The following ADCY9 variants were observed in gnomAD, a reference collection of about 807,000 sequenced individuals.
The protein encoded by ADCY9 is adenylate cyclase 9.
ADCY9 carries 50 observed loss-of-function variants against 101.5 expected under a neutral mutation model. The observed-to-expected ratio is 0.49, with a 90% CI of 0.39 to 0.62. ADCY9 has a LOEUF of 0.62. Ranked by LOEUF, ADCY9 falls within the 20% of genes least tolerant of loss-of-function variation. The pLI, the probability that ADCY9 is intolerant of heterozygous loss-of-function variation, is 0.00. For missense variants in ADCY9, 1,662 were observed against 1,800.4 expected (o/e 0.92, Z 1.39); for synonymous variants, 905 against 769.3 (o/e 1.18, Z -2.92).
At chr16:4,014,663 G>A (rs182891727) in intron 2 of ADCY9, among the ~76,000 whole-genome samples, 43 of 152,098 alleles carry the variant, frequency 2.8e-4, no homozygotes, top group African/African-American at 1.0e-3. Context: ...GGACAGGCTG[G>A]TCTCGAACTC....
In ADCY9 at chr16:4,012,980, C is replaced by T. The variant is rs189432168; in HGVS notation, c.1694-5422G>A. Among the ~76,000 whole-genome samples the T allele has an allele frequency of 1.7e-3, 254 of 152,050 alleles. 2 individuals carry two copies. Among genetic ancestry groups the T allele is most frequent in the African/African-American group, 5.3e-3 (221 of 41,468 alleles). ...ACAGAAAGAGAACAACAGCGAGGCA[C>T]GGGGATCACAGCTGTGACCCCGGCA... On this transcript the variant is annotated intron_variant, in intron 2 of 10. Transcript: ENST00000294016.
In ADCY9 at chr16:3,966,823, C is replaced by T. The variant is rs776703788; in HGVS notation, c.3014G>A (p.Arg1005His). The stretch of plus-strand genomic sequence containing the variant: ...TTCCACGTCTCCGTGGTAGTGGAGG[C>T]GGTAGCTGACTTCAAATTCGCGATT... ...FLNREFEVSYRLHYHGDVEAD... is the reference protein window; with the variant it reads ...FLNREFEVSYHLHYHGDVEAD... Residue 1005 changes from arginine to histidine, a missense_variant, in exon 11 of 11, where the codon CGC (arginine) becomes CAC (histidine). This residue lies in a region of ADCY9 where 624 missense variants were observed against 639.1 expected (regional missense o/e 0.98). Transcript: ENST00000294016. 1.9e-6 allele frequency: 3 copies of T among 1,614,144 alleles called. No individual in the cohort carries two copies. Among genetic ancestry groups the T allele is most frequent in the East Asian group, 4.5e-5 (2 of 44,884 alleles).
chr16:4,044,995 C>T (rs2141142402), intron 2 of ADCY9, among the ~76,000 whole-genome samples: 1 of 152,264 alleles, frequency 6.6e-6, no homozygotes, highest in South Asian at 2.1e-4. Flanking sequence ...ATAAGACAAG[C>T]ATGCAAGAAA....
intron 2 of ADCY9, among the ~76,000 whole-genome samples, chr16:4,019,274 G>A (rs1252532889): frequency 6.6e-6 from 1 of 152,090 alleles, no homozygotes; most frequent in Non-Finnish European, 1.5e-5. Context: ...GAACCACCAT[G>A]CCCAGACTCA....
chr16:4,086,691 ACT>A (rs537364860), intron 2 of ADCY9, among the ~76,000 whole-genome samples: 154 of 152,054 alleles, frequency 1.0e-3, no homozygotes, highest in African/African-American at 3.6e-3. Context: ...ACAGGGTCTT[ACT>A]CTGTCACCCA....
chr16:3,972,306 T>C (rs2056059266), intron 10 of ADCY9, among the ~76,000 whole-genome samples: 1 of 151,834 alleles, frequency 6.6e-6, no homozygotes, highest in Admixed American at 6.6e-5. Flanking sequence ...CTAGGCTCAC[T>C]GCAACCTCTG....
intron 2 of ADCY9, among the ~76,000 whole-genome samples, chr16:4,018,861 T>C (rs1382133121): frequency 6.6e-6 from 1 of 152,088 alleles, no homozygotes; most frequent in African/African-American, 2.4e-5. Context: ...CTGCTATCTC[T>C]AATTTCACTT....
Position 4,114,020 on chromosome 16 carries a change from G to T in ADCY9, c.1423C>A (p.Gln475Lys), listed in dbSNP as rs2057130556. Reference sequence around the variant, plus strand: ...ATCTCCTTCTTCTCCTGGCAGAACTGCTCGATGGCCTTGATCATGCCCAGG... The same window carrying T: ...ATCTCCTTCTTCTCCTGGCAGAACTTCTCGATGGCCTTGATCATGCCCAGG... ...MGLGMIKAIE[Q>K]FCQEKKEMVN... The change falls in exon 2 of 11, where the codon CAG (glutamine) becomes AAG (lysine). Residue 475 changes from glutamine (Q) to lysine (K), a missense_variant. Gln to Lys is a moderately conservative substitution (Grantham distance 53). This residue lies in a region of ADCY9 where 228 missense variants were observed against 301.1 expected (regional missense o/e 0.76). Coordinates refer to ENST00000294016, the MANE Select transcript of ADCY9 (RefSeq NM_001116.4). The surrounding 1 kb of genome is among the most constrained non-coding windows in gnomAD (Gnocchi z 4.3). The T allele has an allele frequency of 6.2e-7, 1 of 1,613,722 alleles. No individual in the cohort carries two copies. Among genetic ancestry groups the T allele is most frequent in the African/African-American group, 1.3e-5 (1 of 74,932 alleles).
At chr16:4,094,606 A>C (rs2056991684) in intron 2 of ADCY9, among the ~76,000 whole-genome samples, 1 of 152,092 alleles carries the variant, frequency 6.6e-6, no homozygotes. Context: ...AGGCCCCGCA[A>C]CACAGCAAGA....
In ADCY9 at chr16:3,966,798, T is replaced by C. The variant is rs1261607395; in HGVS notation, c.3039A>G (p.Glu1013=). 1 of 1,614,192 alleles carries C rather than the reference T, an allele frequency of 6.2e-7. No individual in the cohort carries two copies. The highest frequency in any genetic ancestry group is 1.7e-5 in the Admixed American group (1 of 60,030). Reference sequence around the variant, plus strand: ...GGATCTTGGTGCGGTGAAGATCCGCTTCCACGTCTCCGTGGTAGTGGAGGC... The same window carrying C: ...GGATCTTGGTGCGGTGAAGATCCGCCTCCACGTCTCCGTGGTAGTGGAGGC... ...SYRLHYHGDV[E]ADLHRTKIQS... is the part of the protein sequence containing the mutation. Residue 1013 remains glutamate, a synonymous_variant, in exon 11 of 11, where the codon GAA becomes GAG. Transcript: ENST00000294016.
At chr16:4,069,260 C>A (rs1053024189) in intron 2 of ADCY9, among the ~76,000 whole-genome samples, 1 of 120,916 alleles carries the variant, frequency 8.3e-6, no homozygotes, top group Non-Finnish European at 1.7e-5. Context: ...TTTCAATATG[C>A]TGTTGTTGTA....
chr16:4,020,807 C>A (rs2056471089), intron 2 of ADCY9, among the ~76,000 whole-genome samples: 2 of 132,728 alleles, frequency 1.5e-5, no homozygotes, highest in African/African-American at 2.8e-5. Context: ...GCCTGGGCGA[C>A]AGAGCGAGAC....
intron 2 of ADCY9, among the ~76,000 whole-genome samples, chr16:4,072,559 C>A (rs1253497333): frequency 3.3e-5 from 5 of 152,200 alleles, no homozygotes; most frequent in Non-Finnish European, 5.9e-5. Flanking sequence ...GACTAATGAA[C>A]AGAAGCTTGA....
chr16:4,006,534 G>A (rs1055087481), intron 3 of ADCY9, among the ~76,000 whole-genome samples: 10 of 152,158 alleles, frequency 6.6e-5, no homozygotes, highest in East Asian at 1.9e-4. Context: ...AGGCAGGGAC[G>A]TATTGGGTGA....
intron 2 of ADCY9, among the ~76,000 whole-genome samples, chr16:4,071,359 A>G (rs916610474): frequency 2.0e-5 from 3 of 146,896 alleles, no homozygotes; most frequent in Non-Finnish European, 3.0e-5. Context: ...AAAAAAAAAA[A>G]AAAAATCAAA....
chr16:4,097,553 A>ATATATATATATATT (rs1382458827), intron 2 of ADCY9, among the ~76,000 whole-genome samples: 5 of 53,400 alleles, frequency 9.4e-5, no homozygotes, highest in South Asian at 9.5e-4. Context: ...ATATATATAT[A>ATATATATATATATT]TTTTTTTTTT....
chr16:4,015,180 A>G (rs2056430257), intron 2 of ADCY9, among the ~76,000 whole-genome samples: 1 of 151,658 alleles, frequency 6.6e-6, no homozygotes, highest in Admixed American at 6.6e-5. Flanking sequence ...TGACCTCATG[A>G]TCCGCCCACC....
At chr16:4,036,284 G>A (rs900681330) in intron 2 of ADCY9, among the ~76,000 whole-genome samples, 2 of 151,884 alleles carry the variant, frequency 1.3e-5, no homozygotes, top group African/African-American at 4.8e-5. Flanking sequence ...CCCCTTATGA[G>A]TTTTGAGCAG....
intron 7 of ADCY9, among the ~76,000 whole-genome samples, chr16:3,979,667 C>T (rs1321811471): frequency 6.6e-6 from 1 of 152,234 alleles, no homozygotes; most frequent in Non-Finnish European, 1.5e-5. Context: ...GCTTTGGAGG[C>T]GTCCTGGAAT....
Sources: gnomAD v4.1 joint callset for allele counts (sites outside exome capture counted in the v4.1 genomes callset) on GRCh38, gnomAD v4.1.1 for gene constraint, gnomAD v4.1.1 regional missense constraint, Gnocchi (gnomAD v3.1) non-coding constraint, MANE v1.5 for transcripts, NCBI Gene and HGNC (gene_info 2026-07-23, HGNC 2026-07-21) for gene names.